Variants in TXNRD2 observed in about 807,000 individuals in gnomAD.
The protein encoded by TXNRD2 is thioredoxin reductase 2.
Under a neutral mutation model 70.8 loss-of-function variants are expected in TXNRD2, and 67 were observed. The observed-to-expected ratio is 0.95, with a 90% CI of 0.78 to 1.16. TXNRD2 has a LOEUF of 1.16. Ranked by LOEUF, TXNRD2 falls within the 50% of genes most tolerant of loss-of-function variation. The probability of loss-of-function intolerance (pLI) is 0.00; values close to 1 mark genes in which losing one functional copy is unlikely to be tolerated. For synonymous variants in TXNRD2, 301 were observed against 295.8 expected (o/e 1.02, Z -0.18); for missense variants, 644 against 719.9 (o/e 0.89, Z 1.21).
intron 1 of TXNRD2, chr22:19,941,459 A>T (rs976285360): frequency 1.9e-6 from 1 of 539,486 alleles, no homozygotes; most frequent in Non-Finnish European, 2.9e-6. Flanking sequence ...CCACAGGTGC[A>T]GTCAGCACAG....
intron 1 of TXNRD2, chr22:19,933,498 T>G: frequency 7.8e-7 from 1 of 1,289,604 alleles, no homozygotes; most frequent in Non-Finnish European, 1.0e-6. Context: ...CATCCTGCCC[T>G]GCAGCCTCGC....
intron 2 of TXNRD2, among the ~76,000 whole-genome samples, chr22:19,923,844 C>CTTTT (rs34120716): frequency 1.4e-4 from 11 of 78,106 alleles, no homozygotes; most frequent in Non-Finnish European, 1.6e-4. Context: ...ACCCCTGAGG[C>CTTTT]TTTTTTTTTT....
chr22:19,903,094 T>G (rs544490009), intron 8 of TXNRD2: 8 of 512,166 alleles, frequency 1.6e-5, no homozygotes, highest in Admixed American at 5.9e-5. Flanking sequence ...CCTCAGAGGG[T>G]GGACAGGCCT....
intron 2 of TXNRD2, among the ~76,000 whole-genome samples, chr22:19,921,326 G>A (rs561498279): frequency 2.0e-5 from 3 of 150,346 alleles, no homozygotes; most frequent in Non-Finnish European, 3.0e-5. Flanking sequence ...AAGGTGGGGG[G>A]ATGGCTTGAG....
chr22:19,926,210 C>T (rs1941137386), intron 2 of TXNRD2, among the ~76,000 whole-genome samples: 1 of 150,188 alleles, frequency 6.7e-6, no homozygotes, highest in African/African-American at 2.4e-5. Flanking sequence ...TGCGAAGAGG[C>T]CAGGCACGGT....
At chr22:19,933,248 G>A (rs1168186383) in intron 1 of TXNRD2, among the ~76,000 whole-genome samples, 1 of 152,244 alleles carries the variant, frequency 6.6e-6, no homozygotes, top group Non-Finnish European at 1.5e-5. Context: ...CAACTCAAGG[G>A]CTCTGGAAAG....
rs150129323 is a variant in TXNRD2, at chr22:19,879,565, G to A, written c.1275+614C>T. ...TGTGGTGGGGGGCGGGGGGCGGGGG[G>A]CTCTCGCCTGGGAGAAACCCTGGGC... On this transcript the variant is annotated intron_variant, in intron 14 of 17. Transcript: ENST00000400521. Among the ~76,000 whole-genome samples the A allele has an allele frequency of 8.4e-3, 1,226 of 145,512 alleles. 24 individuals carry two copies. Among genetic ancestry groups the A allele is most frequent in the African/African-American group, 0.029 (1,160 of 39,842 alleles).
chr22:19,885,526 G>T (rs79685270), intron 11 of TXNRD2, among the ~76,000 whole-genome samples: 1 of 152,200 alleles, frequency 6.6e-6, no homozygotes, highest in Non-Finnish European at 1.5e-5. Flanking sequence ...GGCACCGGTC[G>T]GGGATCAGCC....
intron 1 of TXNRD2, among the ~76,000 whole-genome samples, chr22:19,940,158 T>C (rs1410983654): frequency 7.0e-6 from 1 of 142,108 alleles, no homozygotes; most frequent in Non-Finnish European, 1.5e-5. Context: ...GGCAGGAGAA[T>C]GGCGTGAACC....
intron 8 of TXNRD2, among the ~76,000 whole-genome samples, chr22:19,902,484 G>A (rs1476623830): frequency 6.6e-6 from 1 of 152,200 alleles, no homozygotes; most frequent in Non-Finnish European, 1.5e-5. Context: ...GGAGGCACCT[G>A]GCCCCTTGGA....
chr22:19,930,852 G>A (rs896110802), intron 2 of TXNRD2, among the ~76,000 whole-genome samples, 178 bp downstream of exon 2: 1 of 152,218 alleles, frequency 6.6e-6, no homozygotes, highest in Non-Finnish European at 1.5e-5. Context: ...CACGGCGGCC[G>A]CTGGGTACAG....
intron 2 of TXNRD2, among the ~76,000 whole-genome samples, chr22:19,928,388 T>C (rs998718861): frequency 2.6e-5 from 4 of 151,966 alleles, no homozygotes; most frequent in African/African-American, 7.3e-5. Flanking sequence ...TACTCAGCAA[T>C]GAAAAGCAAG....
At chr22:19,886,970 G>A (rs1367807292) in intron 11 of TXNRD2, among the ~76,000 whole-genome samples, 1 of 152,230 alleles carries the variant, frequency 6.6e-6, no homozygotes, top group Non-Finnish European at 1.5e-5. Context: ...GGGCTTCTGG[G>A]CGCAGGGCAG....
chr22:19,882,533 C>A (rs560161596), intron 12 of TXNRD2, among the ~76,000 whole-genome samples: 1 of 152,180 alleles, frequency 6.6e-6, no homozygotes, highest in Non-Finnish European at 1.5e-5. Flanking sequence ...TACTGCCCCC[C>A]AAACGTGAGA....
chr22:19,936,421 A>C (rs1349996205), intron 1 of TXNRD2, among the ~76,000 whole-genome samples: 1 of 142,378 alleles, frequency 7.0e-6, no homozygotes, highest in Admixed American at 7.1e-5. Context: ...CGAAGAGCCG[A>C]CACTTGTAGC....
intron 8 of TXNRD2, among the ~76,000 whole-genome samples, chr22:19,907,160 T>C: frequency 9.0e-6 from 1 of 110,578 alleles, no homozygotes; most frequent in South Asian, 4.6e-4. Flanking sequence ...CTGACCGCTC[T>C]CAGGAGAGTG....
chr22:19,901,496 C>G (rs773478314), intron 8 of TXNRD2, among the ~76,000 whole-genome samples: 2 of 152,218 alleles, frequency 1.3e-5, no homozygotes, highest in Admixed American at 6.5e-5. Flanking sequence ...TGGGCCTCTT[C>G]TTGTTGTCAT....
chr22:19,912,918 C>G (rs938367658), intron 7 of TXNRD2, among the ~76,000 whole-genome samples: 1 of 152,224 alleles, frequency 6.6e-6, no homozygotes, highest in Non-Finnish European at 1.5e-5. Context: ...CTGCCTCCAC[C>G]GGACTGCCCC....
chr22:19,928,009 G>A (rs1941216220), intron 2 of TXNRD2, among the ~76,000 whole-genome samples: 1 of 151,916 alleles, frequency 6.6e-6, no homozygotes, highest in Non-Finnish European at 1.5e-5. Flanking sequence ...GCTCATTCCT[G>A]TAATCCCAAC....
Sources: allele counts gnomAD v4.1 joint callset (sites outside exome capture counted in the v4.1 genomes callset), GRCh38; gene constraint gnomAD v4.1.1; transcripts MANE v1.5; gene names NCBI Gene and HGNC (gene_info 2026-07-23, HGNC 2026-07-21).